Variants in MTUS2 observed in about 807,000 individuals in gnomAD.
MTUS2 encodes microtubule associated scaffold protein 2.
Under a neutral mutation model 114.1 loss-of-function variants are expected in MTUS2, and 40 were observed. The ratio of observed to expected loss-of-function variants is 0.35; its 90% CI spans 0.27 to 0.46. MTUS2 has a LOEUF of 0.46. MTUS2 is among the 20% of genes least tolerant of loss of function. MTUS2 has a pLI of 1.00. For synonymous variants in MTUS2, 688 were observed against 672.0 expected (o/e 1.02, Z -0.37); for missense variants, 1,679 against 1,705.4 (o/e 0.98, Z 0.27).
chr13:29,085,604 AAAGGAC>A (rs1487387506), intron 4 of MTUS2, among the ~76,000 whole-genome samples: 1 of 152,216 alleles, frequency 6.6e-6, no homozygotes, highest in African/African-American at 2.4e-5. Context: ...ATGTTCCTGC[AAAGGAC>A]ATGATCTTGT....
At chr13:29,126,622 T>A (rs565875173) in intron 5 of MTUS2, among the ~76,000 whole-genome samples, 30 of 147,382 alleles carry the variant, frequency 2.0e-4, no homozygotes, top group African/African-American at 7.4e-4. Flanking sequence ...CTTATGAGAT[T>A]TTTTTGTGAT....
At chr13:29,467,763 T>C (rs1879992981) in intron 9 of MTUS2, among the ~76,000 whole-genome samples, 1 of 152,226 alleles carries the variant, frequency 6.6e-6, no homozygotes. Context: ...GCAATTATAT[T>C]CGCACACAGG....
chr13:29,139,650 A>G (rs1255694024), intron 5 of MTUS2, among the ~76,000 whole-genome samples: 4 of 152,192 alleles, frequency 2.6e-5, no homozygotes, highest in East Asian at 1.9e-4. Flanking sequence ...GGTCTTTGTG[A>G]TTTCAGATCT....
chr13:29,246,734 A>G (rs936898785), intron 5 of MTUS2, among the ~76,000 whole-genome samples: 39 of 152,212 alleles, frequency 2.6e-4, no homozygotes, highest in African/African-American at 9.4e-4. Context: ...AAACTACAAG[A>G]TGCTGTCAAA....
intron 5 of MTUS2, among the ~76,000 whole-genome samples, chr13:29,186,481 T>C (rs1468931117): frequency 6.6e-6 from 1 of 152,198 alleles, no homozygotes; most frequent in Non-Finnish European, 1.5e-5. Flanking sequence ...TTTAATGTGG[T>C]CATATTAATG....
At chr13:29,022,380 A>G (rs1358704727) in intron 2 of MTUS2, among the ~76,000 whole-genome samples, 1 of 152,162 alleles carries the variant, frequency 6.6e-6, no homozygotes, top group Admixed American at 6.5e-5. Flanking sequence ...TATACATTTT[A>G]TTAAATAGAG....
At chr13:29,035,078 G>A (rs957591342) in intron 4 of MTUS2, among the ~76,000 whole-genome samples, 1 of 151,934 alleles carries the variant, frequency 6.6e-6, no homozygotes, top group Non-Finnish European at 1.5e-5. Context: ...TTCTTCTGAG[G>A]CTGGCTCATT....
chr13:28,968,099 C>CT (rs1321045476), intron 2 of MTUS2, among the ~76,000 whole-genome samples: 3 of 152,170 alleles, frequency 2.0e-5, no homozygotes, highest in Admixed American at 6.5e-5. Flanking sequence ...TTGCCTTTTG[C>CT]TGCATGACTG....
intron 4 of MTUS2, among the ~76,000 whole-genome samples, chr13:29,082,262 G>A (rs1889477949): frequency 6.6e-6 from 1 of 152,182 alleles, no homozygotes; most frequent in Non-Finnish European, 1.5e-5. Context: ...CTGCAGCACT[G>A]TGAGAAATAA....
At chr13:29,227,814 G>C (rs758956595) in intron 5 of MTUS2, among the ~76,000 whole-genome samples, 2 of 152,138 alleles carry the variant, frequency 1.3e-5, no homozygotes, top group Non-Finnish European at 2.9e-5. Context: ...CTCAAACTTG[G>C]CAGTGAAAAG....
At chr13:29,492,091 C>T (rs868325920) in intron 11 of MTUS2, among the ~76,000 whole-genome samples, 36 of 109,526 alleles carry the variant, frequency 3.3e-4, no homozygotes, top group South Asian at 6.5e-4. Flanking sequence ...TATGTGAATG[C>T]GTGGTAGGTG....
intron 2 of MTUS2, among the ~76,000 whole-genome samples, chr13:28,864,375 A>T (rs1421863654): frequency 6.6e-6 from 1 of 152,178 alleles, no homozygotes; most frequent in African/African-American, 2.4e-5. Context: ...TGATTTCAGG[A>T]TATCATGTTA....
chr13:29,401,191 G>A (rs543113266), intron 8 of MTUS2, among the ~76,000 whole-genome samples: 2 of 152,154 alleles, frequency 1.3e-5, no homozygotes, highest in Admixed American at 1.3e-4. Flanking sequence ...TCACCGTGTC[G>A]GCCAGGCTGG....
chr13:29,031,375 G>A (rs1215747178), intron 3 of MTUS2, among the ~76,000 whole-genome samples: 1 of 151,724 alleles, frequency 6.6e-6, no homozygotes, highest in Non-Finnish European at 1.5e-5. Flanking sequence ...AGATATAGAT[G>A]TATATATAGA....
chr13:29,446,379 C>T (rs1455960214), intron 9 of MTUS2, among the ~76,000 whole-genome samples: 2 of 152,128 alleles, frequency 1.3e-5, no homozygotes, highest in Non-Finnish European at 2.9e-5. Context: ...AGATTTGTTT[C>T]AAAGATCTTG....
At chr13:28,898,309 T>A (rs1453302906) in intron 2 of MTUS2, among the ~76,000 whole-genome samples, 1 of 152,110 alleles carries the variant, frequency 6.6e-6, no homozygotes, top group African/African-American at 2.4e-5. Context: ...TTCTGATGAG[T>A]TCTGAAGGTG....
intron 5 of MTUS2, among the ~76,000 whole-genome samples, chr13:29,180,116 C>T (rs1050829754): frequency 3.9e-5 from 6 of 152,090 alleles, no homozygotes; most frequent in African/African-American, 1.4e-4. Flanking sequence ...TGAATATTTC[C>T]CTGTAAAACC....
chr13:28,821,515 C>T (rs1351542879), intron 1 of MTUS2, among the ~76,000 whole-genome samples: 2 of 152,154 alleles, frequency 1.3e-5, no homozygotes, highest in Non-Finnish European at 1.5e-5. Flanking sequence ...CTTCCCTTTC[C>T]CCAGGCCCCA....
chr13:28,961,076 A>T, intron 2 of MTUS2, among the ~76,000 whole-genome samples: 1 of 152,152 alleles, frequency 6.6e-6, no homozygotes. Context: ...GATAATAGAA[A>T]TTATCTAAAC....
Sources: gnomAD v4.1 joint callset for allele counts (sites outside exome capture counted in the v4.1 genomes callset) on GRCh38, gnomAD v4.1.1 for gene constraint, MANE v1.5 for transcripts, NCBI Gene and HGNC (gene_info 2026-07-23, HGNC 2026-07-21) for gene names.